The following ABLIM2 variants were observed in gnomAD, a reference collection of about 807,000 sequenced individuals.
ABLIM2 encodes actin-binding LIM protein 2.
A neutral mutation model predicts 97.7 loss-of-function variants in ABLIM2; 53 were observed. The observed-to-expected ratio is 0.54, with a 90% CI of 0.44 to 0.68. The LOEUF (loss-of-function observed/expected upper bound fraction) is 0.68. Ranked by LOEUF, ABLIM2 falls within the 30% of genes least tolerant of loss-of-function variation. The pLI is 0.00. For missense variants in ABLIM2, 835 were observed against 867.2 expected (o/e 0.96, Z 0.47); for synonymous variants, 361 against 345.8 (o/e 1.04, Z -0.49).
At chr4:8,073,366 G>A (rs1813718245) in intron 6 of ABLIM2, among the ~76,000 whole-genome samples, 1 of 151,410 alleles carries the variant, frequency 6.6e-6, no homozygotes, top group Non-Finnish European at 1.5e-5. Context: ...TGTGGGCAGG[G>A]AGCGCAGTCC....
At position 7,992,782 on chromosome 4, in the gene ABLIM2, T is replaced by G. The variant is rs1749927049; in HGVS notation, c.1680+84A>C. On this transcript the variant is annotated intron_variant, in intron 17 of 20. Coordinates refer to ENST00000447017, the MANE Select transcript of ABLIM2 (RefSeq NM_001130083.2). The surrounding 1 kb of genome is among the most constrained non-coding windows in gnomAD (Gnocchi z 5.7). ...GGGTCCCCGGGGCCTCTCCTCCTGC[T>G]GTGTGGTCAAGAAGCTGTGGGAAAC... is the stretch of plus-strand genomic sequence containing the variant. The G allele has an allele frequency of 1.3e-6, 2 of 1,484,872 alleles. No individual in the cohort carries two copies. The highest frequency in any genetic ancestry group is 9.2e-7 in the Non-Finnish European group (1 of 1,081,494). The allele number at this position is 1,484,872 out of a possible 1,614,324, so 92.0% of individuals were successfully genotyped here. A position where few individuals can be genotyped will look rare whatever the true frequency, so the allele number is the denominator to read the frequency against.
chr4:8,091,892 CAT>C (rs1357340584), intron 3 of ABLIM2, among the ~76,000 whole-genome samples: 2 of 87,942 alleles, frequency 2.3e-5, no homozygotes, highest in Non-Finnish European at 4.1e-5. Context: ...TAATATATAA[CAT>C]AATATATATA....
chr4:8,111,741 C>T (rs1251174574), intron 1 of ABLIM2, among the ~76,000 whole-genome samples: 1 of 152,094 alleles, frequency 6.6e-6, no homozygotes, highest in African/African-American at 2.4e-5. Flanking sequence ...GCATGGCCAA[C>T]ATGGCAAAAC....
At chr4:8,060,569 GC>G (rs1307293992) in intron 7 of ABLIM2, among the ~76,000 whole-genome samples, 1 of 152,158 alleles carries the variant, frequency 6.6e-6, no homozygotes, top group Non-Finnish European at 1.5e-5. Context: ...GGTGGCTGGG[GC>G]GGGAAACACC....
At chr4:8,115,920 C>T (rs1490872678) in intron 1 of ABLIM2, among the ~76,000 whole-genome samples, 1 of 152,192 alleles carries the variant, frequency 6.6e-6, no homozygotes, top group Admixed American at 6.5e-5. Flanking sequence ...GGACGAAGCT[C>T]AAACCACTCC....
chr4:8,120,737 C>T lies in ABLIM2; in HGVS notation c.11-14100G>A, dbSNP rs190417859. On this transcript the variant is annotated intron_variant, in intron 1 of 20. Transcript: ENST00000447017. The surrounding 1 kb of genome is among the most constrained non-coding windows in gnomAD (Gnocchi z 5.6). The stretch of plus-strand genomic sequence containing the variant: ...CGTCCTGATGAACCCGGGGCAAGCT[C>T]GTGACATCACTAAGTTGAGACTTCA... 1.9e-3 allele frequency among the ~76,000 whole-genome samples: 295 copies of T among 152,288 alleles called. No individual in the cohort carries two copies. The highest frequency in any genetic ancestry group is 6.1e-3 in the African/African-American group (253 of 41,554).
chr4:8,029,510 C>T (rs749662684), intron 11 of ABLIM2, 146 bp downstream of exon 11: 13 of 1,122,506 alleles, frequency 1.2e-5, no homozygotes, highest in Admixed American at 3.3e-5. Flanking sequence ...GCCACCCACC[C>T]GCTGGCAATC....
intron 3 of ABLIM2, among the ~76,000 whole-genome samples, chr4:8,094,092 T>C (rs1577677601): frequency 6.6e-6 from 1 of 152,228 alleles, no homozygotes; most frequent in South Asian, 2.1e-4. Context: ...TCTTCCAAAA[T>C]ACCCAATCTA....
At position 8,087,713 on chromosome 4, in the gene ABLIM2, A is replaced by G. The variant is rs1031680099; in HGVS notation, c.454+456T>C. Among the ~76,000 whole-genome samples, 1 of 151,994 alleles carries G rather than the reference A, an allele frequency of 6.6e-6. No homozygotes were observed. Among genetic ancestry groups the G allele is most frequent in the Non-Finnish European group, 1.5e-5 (1 of 68,000 alleles). On this transcript the variant is annotated intron_variant, in intron 4 of 20. Coordinates refer to ENST00000447017, the MANE Select transcript of ABLIM2 (RefSeq NM_001130083.2). The surrounding 1 kb of genome is among the most constrained non-coding windows in gnomAD (Gnocchi z 4.6). ...AAGCAGCAGTGGGCATTAGATGGGA[A>G]AGCAGCAGTGGACATTAGATGGGAA...
rs1296284289 is a variant in ABLIM2 at position 7,986,608 on chromosome 4, A to G, written c.1681-1715T>C. ...ACTCTAGTTCTGGGCCTGGACCCTG[A>G]GCCAGGGTCCTCTTGCCTCCACCAC... On this transcript the variant is annotated intron_variant, in intron 17 of 20. Transcript: ENST00000447017. The surrounding 1 kb of genome is among the most constrained non-coding windows in gnomAD (Gnocchi z 4.3). Among the ~76,000 whole-genome samples, 2 of 152,148 alleles carry G rather than the reference A, an allele frequency of 1.3e-5. No homozygotes were observed. Among genetic ancestry groups the G allele is most frequent in the Admixed American group, 1.3e-4 (2 of 15,280 alleles).
At chr4:8,041,979 G>A (rs1788964051) in intron 9 of ABLIM2, among the ~76,000 whole-genome samples, 3 of 151,856 alleles carry the variant, frequency 2.0e-5, no homozygotes, top group Admixed American at 6.6e-5. Flanking sequence ...AACAACAGCA[G>A]CAACAACAGC....
chr4:8,083,207 A>C lies in ABLIM2; in HGVS notation c.455-2405T>G, dbSNP rs1821048898. 6.6e-6 allele frequency among the ~76,000 whole-genome samples: 1 copy of C among 152,218 alleles called. No individual in the cohort carries two copies. Among genetic ancestry groups the C allele is most frequent in the South Asian group, 2.1e-4 (1 of 4,834 alleles). ...GCACATGGGGCTGTGTGTCGACCAG[A>C]GGACAGACAGCAGACAGCAGCGGTC... On this transcript the variant is annotated intron_variant, in intron 4 of 20. Coordinates refer to ENST00000447017, the MANE Select transcript of ABLIM2 (RefSeq NM_001130083.2). The surrounding 1 kb of genome is among the most constrained non-coding windows in gnomAD (Gnocchi z 4.6).
At chr4:8,106,468 A>G (rs1324240334) in intron 2 of ABLIM2, 26 bp downstream of exon 2, 2 of 1,579,332 alleles carry the variant, frequency 1.3e-6, no homozygotes, top group Non-Finnish European at 8.6e-7. Context: ...CAGGGGCCAC[A>G]CTGCAGGGGA....
intron 1 of ABLIM2, among the ~76,000 whole-genome samples, chr4:8,131,251 C>G (rs148743265): frequency 1.0e-3 from 152 of 152,336 alleles, no homozygotes; most frequent in African/African-American, 3.6e-3. Context: ...AGCAGCTTAA[C>G]TGATACTATA....
intron 16 of ABLIM2, among the ~76,000 whole-genome samples, chr4:8,000,495 G>A (rs1384778299): frequency 2.6e-5 from 4 of 151,842 alleles, no homozygotes; most frequent in East Asian, 1.9e-4. Context: ...ACTAGCGCCC[G>A]CATGCAGTGC....
At chr4:8,030,543 A>C (rs564169427) in intron 10 of ABLIM2, among the ~76,000 whole-genome samples, 1 of 152,304 alleles carries the variant, frequency 6.6e-6, no homozygotes, top group South Asian at 2.1e-4. Flanking sequence ...CTGTCAGAGC[A>C]CGTCTCCCAC....
intron 12 of ABLIM2, among the ~76,000 whole-genome samples, chr4:8,025,807 G>T (rs1776945241): frequency 6.6e-6 from 1 of 152,022 alleles, no homozygotes; most frequent in South Asian, 2.1e-4. Context: ...TGGGAGGAGA[G>T]CCGGGTGTCC....
At chr4:8,036,084 C>T (rs1055441434) in intron 10 of ABLIM2, 65 bp downstream of exon 10, 35 of 1,576,544 alleles carry the variant, frequency 2.2e-5, no homozygotes, top group African/African-American at 8.1e-5. Flanking sequence ...CTAGGGATGA[C>T]GCCTGTCCTG....
At chr4:8,037,340 G>A (rs992915722) in intron 9 of ABLIM2, among the ~76,000 whole-genome samples, 16 of 140,972 alleles carry the variant, frequency 1.1e-4, no homozygotes, top group African/African-American at 3.5e-4. Flanking sequence ...ACACATGCAG[G>A]CACACACACA....
Sources: allele counts gnomAD v4.1 joint callset (sites outside exome capture counted in the v4.1 genomes callset), GRCh38; gene constraint gnomAD v4.1.1; non-coding constraint Gnocchi (gnomAD v3.1); transcripts MANE v1.5; gene names NCBI Gene and HGNC (gene_info 2026-07-23, HGNC 2026-07-21).